SULT1C3: variants seen among roughly 807,000 people sequenced by gnomAD.
SULT1C3 encodes sulfotransferase 1C3.
A neutral mutation model predicts 28.4 loss-of-function variants in SULT1C3; 31 were observed. The ratio of observed to expected loss-of-function variants is 1.09; its 90% CI spans 0.82 to 1.47. The LOEUF is 1.47. SULT1C3 is among the 40% of genes most tolerant of loss of function. The pLI is 0.00. For synonymous variants in SULT1C3, 106 were observed against 92.2 expected (o/e 1.15, Z -0.86); for missense variants, 307 against 272.5 (o/e 1.13, Z -0.89).
Position 108,247,222 on chromosome 2 carries a change from A to G in SULT1C3, c.28A>G (p.Thr10Ala). 1.3e-6 allele frequency: 2 copies of G among 1,541,756 alleles called. No homozygotes were observed. Among genetic ancestry groups the G allele is most frequent in the Non-Finnish European group, 1.8e-6 (2 of 1,140,230 alleles). The change falls in exon 2 of 8, where the codon ACG becomes GCG. Residue 10 changes from threonine to alanine, a missense_variant. Transcript: ENST00000681802. ...GGCGAAGATTGAGAAAAACGCTCCCACGATGGAAAAAAAGCCAGAACTGTT... is the reference window on the plus strand; with the variant it reads ...GGCGAAGATTGAGAAAAACGCTCCCGCGATGGAAAAAAAGCCAGAACTGTT... The part of the protein sequence containing the change: MAKIEKNAP[T>A]MEKKPELFNI...
At chr2:108,241,070 C>T (rs911588723) in intron 1 of SULT1C3, among the ~76,000 whole-genome samples, 1 of 152,198 alleles carries the variant, frequency 6.6e-6, no homozygotes, top group African/African-American at 2.4e-5. Flanking sequence ...GGAGTTAGTT[C>T]CCAGACCTGT....
downstream of SULT1C3, chr2:108,265,319 G>A (rs1676109874): frequency 1.9e-6 from 3 of 1,613,762 alleles, no homozygotes; most frequent in South Asian, 3.3e-5. Flanking sequence ...GAAGATGGCA[G>A]GAAGCACCCT....
In SULT1C3 at chr2:108,252,394, A is replaced by T. The variant is rs376067109; in HGVS notation, c.202A>T (p.Met68Leu). The T allele has an allele frequency of 2.7e-5, 44 of 1,610,844 alleles. 1 individual carries two copies. In the East Asian group the frequency reaches 8.9e-4, roughly 33 times the overall value. ...GTTWMHEILD[M>L]ILNDGDVEKC... ...AACATGGATGCATGAAATTTTAGAC[A>T]TGATTCTAAATGATGGTGATGTGGA... Residue 68 changes from methionine (M) to leucine (L), a missense_variant, in exon 3 of 8, where the codon ATG (methionine) becomes TTG (leucine). Met to Leu is a conservative substitution (Grantham distance 15, BLOSUM62 2). Coordinates refer to ENST00000681802, the MANE Select transcript of SULT1C3 (RefSeq NM_001320878.2).
intron 4 of SULT1C3, among the ~76,000 whole-genome samples, chr2:108,253,759 C>A (rs563004283): frequency 2.6e-5 from 4 of 152,018 alleles, no homozygotes; most frequent in Admixed American, 6.6e-5. Flanking sequence ...AAAAATAAAA[C>A]CCTGTTGCTT....
At chr2:108,252,545 C>CCA (rs1184730066) in intron 3 of SULT1C3, 52 bp downstream of exon 3, 4 of 1,601,918 alleles carry the variant, frequency 2.5e-6, no homozygotes, top group Middle Eastern at 1.7e-4. Flanking sequence ...GATTCCAGAG[C>CCA]AATGTGTACT....
intron 2 of SULT1C3, among the ~76,000 whole-genome samples, chr2:108,248,596 A>AT: frequency 6.6e-6 from 1 of 152,098 alleles, no homozygotes; most frequent in Non-Finnish European, 1.5e-5. Flanking sequence ...CTTTTAGTTT[A>AT]TTGTTGAATG....
At chr2:108,244,731 A>G (rs550344971) in intron 1 of SULT1C3, among the ~76,000 whole-genome samples, 2 of 152,328 alleles carry the variant, frequency 1.3e-5, no homozygotes, top group African/African-American at 4.8e-5. Context: ...AAGTCCTGCA[A>G]TGAGAAGGGA....
intron 1 of SULT1C3, among the ~76,000 whole-genome samples, chr2:108,240,852 G>A (rs185330533): frequency 2.6e-5 from 4 of 152,264 alleles, no homozygotes; most frequent in South Asian, 4.1e-4. Context: ...GTGTGCTGTG[G>A]GTAGAATACA....
chr2:108,260,274 G>A (rs1252287147), intron 7 of SULT1C3, among the ~76,000 whole-genome samples: 2 of 152,144 alleles, frequency 1.3e-5, no homozygotes. Flanking sequence ...ACTTTGGGTT[G>A]GGTACACTAG....
At chr2:108,251,340 G>T (rs1477314113) in intron 2 of SULT1C3, among the ~76,000 whole-genome samples, 1 of 152,000 alleles carries the variant, frequency 6.6e-6, no homozygotes, top group Non-Finnish European at 1.5e-5. Context: ...GATAAAATAT[G>T]AGGAGAACTG....
chr2:108,252,177 A>AGATG (rs1000227502), intron 2 of SULT1C3, among the ~76,000 whole-genome samples, 188 bp from the exon 3 acceptor site: 5 of 151,078 alleles, frequency 3.3e-5, no homozygotes, highest in African/African-American at 4.9e-5. Flanking sequence ...ATAGATAGAT[A>AGATG]GATAGATAGA....
At chr2:108,248,307 T>A (rs1373788649) in intron 2 of SULT1C3, among the ~76,000 whole-genome samples, 2 of 152,102 alleles carry the variant, frequency 1.3e-5, no homozygotes, top group African/African-American at 4.8e-5. Context: ...CAAGATTGGA[T>A]GTGTACTCCA....
At chr2:108,247,109 G>A (rs1386224055) in intron 1 of SULT1C3, 79 bp from the exon 2 acceptor site, 10 of 1,113,522 alleles carry the variant, frequency 9.0e-6, no homozygotes, top group Admixed American at 3.2e-5. Context: ...ATCAAAGGCA[G>A]TAAGATGATA....
At chr2:108,252,615 T>G in intron 3 of SULT1C3, 122 bp downstream of exon 3, 1 of 1,175,802 alleles carries the variant, frequency 8.5e-7, no homozygotes, top group Non-Finnish European at 1.2e-6. Context: ...GAGGTCTATT[T>G]GTTCTCAGGC....
downstream of SULT1C3, chr2:108,264,786 C>A: frequency 6.4e-7 from 1 of 1,565,210 alleles, no homozygotes; most frequent in Non-Finnish European, 8.7e-7. Context: ...CAAGGGAAGA[C>A]CCAACATGAT....
At chr2:108,244,907 T>G (rs1288039520) in intron 1 of SULT1C3, among the ~76,000 whole-genome samples, 1 of 152,172 alleles carries the variant, frequency 6.6e-6, no homozygotes, top group Non-Finnish European at 1.5e-5. Context: ...CACACTCTTG[T>G]GCAAAAGAAA....
chr2:108,245,758 C>G (rs1675563883), intron 1 of SULT1C3, among the ~76,000 whole-genome samples: 1 of 152,130 alleles, frequency 6.6e-6, no homozygotes, highest in Admixed American at 6.6e-5. Flanking sequence ...TTCTCATTGT[C>G]TTGGAGATTA....
At chr2:108,253,876 G>A (rs1304663554) in intron 4 of SULT1C3, among the ~76,000 whole-genome samples, 1 of 151,918 alleles carries the variant, frequency 6.6e-6, no homozygotes, top group Non-Finnish European at 1.5e-5. Flanking sequence ...AATAAACTAA[G>A]CTCAAACCTG....
At chr2:108,254,803 A>G (rs1395681952) in intron 4 of SULT1C3, among the ~76,000 whole-genome samples, 7 of 151,062 alleles carry the variant, frequency 4.6e-5, no homozygotes, top group African/African-American at 1.7e-4. Context: ...ATGTATGCAT[A>G]TATATGTATA....
Sources: allele counts gnomAD v4.1 joint callset (sites outside exome capture counted in the v4.1 genomes callset), GRCh38; gene constraint gnomAD v4.1.1; transcripts MANE v1.5; gene names NCBI Gene and HGNC (gene_info 2026-07-23, HGNC 2026-07-21).